The following EYS variants were observed in gnomAD, a reference collection of about 807,000 sequenced individuals.
The protein encoded by EYS is protein eyes shut homolog.
EYS carries 250 observed loss-of-function variants against 282.1 expected under a neutral mutation model. The observed-to-expected ratio is 0.89, with a 90% CI of 0.80 to 0.98. The LOEUF (loss-of-function observed/expected upper bound fraction) is 0.98. EYS is among the 50% of genes least tolerant of loss of function. The pLI is 0.00. For missense variants in EYS, 4,016 were observed against 3,709.0 expected (o/e 1.08, Z -2.15); for synonymous variants, 1,355 against 1,282.9 (o/e 1.06, Z -1.20).
chr6:65,316,845 T>C (rs1769308158), intron 11 of EYS, among the ~76,000 whole-genome samples: 2 of 152,202 alleles, frequency 1.3e-5, no homozygotes, highest in South Asian at 4.1e-4. Flanking sequence ...TTCCATGTTG[T>C]ATATGTGCCA....
chr6:65,553,383 G>A (rs1189538385), intron 2 of EYS, among the ~76,000 whole-genome samples: 1 of 152,128 alleles, frequency 6.6e-6, no homozygotes, highest in Non-Finnish European at 1.5e-5. Flanking sequence ...ATGTAAAACT[G>A]TAGAAACATG....
chr6:65,497,003 CAAAT>C (rs1196570922), intron 2 of EYS, among the ~76,000 whole-genome samples: 3 of 151,850 alleles, frequency 2.0e-5, no homozygotes, highest in African/African-American at 2.4e-5. Flanking sequence ...ATTCATGTGA[CAAAT>C]AACACAAATA....
At chr6:65,403,061 T>C (rs995954724) in intron 6 of EYS, among the ~76,000 whole-genome samples, 1 of 151,956 alleles carries the variant, frequency 6.6e-6, no homozygotes, top group African/African-American at 2.4e-5. Context: ...GACATATGAA[T>C]AAGAAAACCT....
At chr6:64,704,934 C>T (rs530189462) in intron 22 of EYS, among the ~76,000 whole-genome samples, 1 of 152,132 alleles carries the variant, frequency 6.6e-6, no homozygotes, top group East Asian at 1.9e-4. Flanking sequence ...AGGATGCCCA[C>T]TCTCACCACT....
intron 36 of EYS, among the ~76,000 whole-genome samples, chr6:63,848,857 G>T (rs1263566592): frequency 6.6e-6 from 1 of 152,110 alleles, no homozygotes; most frequent in African/African-American, 2.4e-5. Context: ...CTGGAAAGGG[G>T]GCTGAAGCCA....
intron 31 of EYS, among the ~76,000 whole-genome samples, chr6:64,099,864 T>C (rs980635356): frequency 2.7e-4 from 41 of 152,298 alleles, no homozygotes; most frequent in African/African-American, 9.9e-4. Flanking sequence ...TGAAAAAAAT[T>C]GTATCTTTTT....
chr6:65,185,087 T>C (rs1479709672), intron 12 of EYS, among the ~76,000 whole-genome samples: 1 of 151,330 alleles, frequency 6.6e-6, no homozygotes, highest in Non-Finnish European at 1.5e-5. Flanking sequence ...TAATTTCAAA[T>C]GTTATATATT....
chr6:64,700,921 T>C (rs1034946794), intron 22 of EYS, among the ~76,000 whole-genome samples: 3 of 152,068 alleles, frequency 2.0e-5, no homozygotes, highest in Non-Finnish European at 4.4e-5. Context: ...AATGAAATTC[T>C]AAGCAAAAAG....
intron 1 of EYS, among the ~76,000 whole-genome samples, chr6:65,679,650 A>G (rs982901235): frequency 6.6e-6 from 1 of 151,972 alleles, no homozygotes; most frequent in East Asian, 1.9e-4. Flanking sequence ...ACAACACTGT[A>G]CTGTATAACT....
In EYS at chr6:64,571,547, G is replaced by T. The variant is rs555407897; in HGVS notation, c.5644+18676C>A. On this transcript the variant is annotated intron_variant, in intron 26 of 42. Coordinates refer to ENST00000503581, the MANE Select transcript of EYS (RefSeq NM_001142800.2). The stretch of plus-strand genomic sequence containing the variant: ...TATCACTAGCCAGACTAATAAAGAA[G>T]AAAAAACAGAAGAATCAAATAGACA... Among the ~76,000 whole-genome samples the T allele has an allele frequency of 4.6e-5, 7 of 151,856 alleles. No individual in the cohort carries two copies. The South Asian group carries it at 6.2e-4, about 14-fold the overall frequency.
chr6:65,141,673 A>G (rs1764348548), intron 12 of EYS, among the ~76,000 whole-genome samples: 1 of 151,592 alleles, frequency 6.6e-6, no homozygotes, highest in South Asian at 2.1e-4. Flanking sequence ...CTATCTATCT[A>G]TCTATCTATC....
intron 33 of EYS, among the ~76,000 whole-genome samples, chr6:64,054,069 T>C (rs909656674): frequency 1.3e-5 from 2 of 152,188 alleles, no homozygotes; most frequent in African/African-American, 4.8e-5. Flanking sequence ...TAGTTTCACA[T>C]GTGGCCTTAG....
At chr6:64,567,058 A>T (rs1286647049) in intron 26 of EYS, among the ~76,000 whole-genome samples, 1 of 152,148 alleles carries the variant, frequency 6.6e-6, no homozygotes, top group Non-Finnish European at 1.5e-5. Flanking sequence ...TACAGGCATG[A>T]GCCACTCCAC....
chr6:65,426,465 G>A (rs1188466392), intron 5 of EYS, among the ~76,000 whole-genome samples: 3 of 151,966 alleles, frequency 2.0e-5, no homozygotes, highest in African/African-American at 4.8e-5. Context: ...GAATGAATGA[G>A]ATTGTCCCAC....
chr6:65,501,486 C>T (rs3904332), intron 2 of EYS, among the ~76,000 whole-genome samples: 28,195 of 151,454 alleles, frequency 0.19, 3,255 homozygotes, highest in Middle Eastern at 0.29. Flanking sequence ...CCTAAATTAT[C>T]GTTGCCATTA....
intron 36 of EYS, among the ~76,000 whole-genome samples, chr6:63,851,391 C>T (rs2348397): frequency 0.36 from 54,657 of 152,020 alleles, 10,296 homozygotes; most frequent in South Asian, 0.47. Flanking sequence ...CACCACATCA[C>T]ACTTATTCTA....
intron 22 of EYS, among the ~76,000 whole-genome samples, chr6:64,800,186 T>A (rs1030285841): frequency 6.6e-6 from 1 of 152,044 alleles, no homozygotes; most frequent in African/African-American, 2.4e-5. Flanking sequence ...AGAAATAAAG[T>A]ATGCTGCAAA....
At chr6:64,329,818 C>T (rs943846172) in intron 29 of EYS, among the ~76,000 whole-genome samples, 4 of 152,118 alleles carry the variant, frequency 2.6e-5, no homozygotes, top group Non-Finnish European at 5.9e-5. Context: ...AAGGTTGCAG[C>T]TACATTATAT....
At chr6:64,747,466 C>A (rs1246059735) in intron 22 of EYS, among the ~76,000 whole-genome samples, 1 of 152,114 alleles carries the variant, frequency 6.6e-6, no homozygotes, top group Non-Finnish European at 1.5e-5. Flanking sequence ...CCTCCGCCTC[C>A]CCGGTCCTGG....
Sources: gnomAD v4.1 joint callset for allele counts (sites outside exome capture counted in the v4.1 genomes callset) on GRCh38, gnomAD v4.1.1 for gene constraint, MANE v1.5 for transcripts, NCBI Gene and HGNC (gene_info 2026-07-23, HGNC 2026-07-21) for gene names.